PDE3B: variants seen among roughly 807,000 people sequenced by gnomAD.
The protein encoded by PDE3B is cGMP-inhibited 3',5'-cyclic phosphodiesterase 3B.
A neutral mutation model predicts 116.8 loss-of-function variants in PDE3B; 66 were observed. The ratio of observed to expected loss-of-function variants is 0.56; its 90% CI spans 0.46 to 0.69. The LOEUF (loss-of-function observed/expected upper bound fraction) is 0.69. Among genes scored for constraint, PDE3B ranks in the 30% least tolerant of loss-of-function variants. The pLI, the probability that PDE3B is intolerant of heterozygous loss-of-function variation, is 0.00. For synonymous variants in PDE3B, 595 were observed against 533.6 expected (o/e 1.12, Z -1.59); for missense variants, 1,384 against 1,368.1 (o/e 1.01, Z -0.18).
chr11:14,701,567 C>T (rs2133817891), intron 1 of PDE3B, among the ~76,000 whole-genome samples: 2 of 151,716 alleles, frequency 1.3e-5, no homozygotes, highest in Middle Eastern at 3.4e-3. Context: ...TTCCCCATTT[C>T]TTAAGGTATT....
chr11:14,859,341 ACTT>A, intron 13 of PDE3B, 95 bp downstream of exon 13: 1 of 744,120 alleles, frequency 1.3e-6, no homozygotes, highest in African/African-American at 1.8e-5. Context: ...AATTATTACT[ACTT>A]AGGAAGTAAC....
At position 14,644,503 on chromosome 11, in the gene PDE3B, C is replaced by G. The variant is rs931878829; in HGVS notation, c.428C>G (p.Pro143Arg). The G allele has an allele frequency of 1.2e-6, 2 of 1,610,442 alleles. No individual in the cohort carries two copies. The highest frequency in any genetic ancestry group is 4.5e-5 in the East Asian group (2 of 44,660). ...TCFLTRTKRGPGPGRSCGSWW... is the reference protein window; with the variant it reads ...TCFLTRTKRGRGPGRSCGSWW... ...TTCCTCACCCGGACCAAGCGGGGAC[C>G]CGGCCCGGGCCGGAGCTGCGGCTCC... is the stretch of plus-strand genomic sequence containing the variant. The change falls in exon 1 of 16, where the codon CCC becomes CGC. Residue 143 changes from proline (P) to arginine (R), a missense_variant. By Grantham distance (103) the Pro-to-Arg change is moderately radical (BLOSUM62 -2). Coordinates refer to ENST00000282096, the MANE Select transcript of PDE3B (RefSeq NM_000922.4).
At chr11:14,762,456 T>A (rs556344635) in intron 1 of PDE3B, among the ~76,000 whole-genome samples, 2 of 152,220 alleles carry the variant, frequency 1.3e-5, no homozygotes, top group Non-Finnish European at 2.9e-5. Flanking sequence ...TATTGAACTT[T>A]CCTGGCCTGT....
intron 12 of PDE3B, among the ~76,000 whole-genome samples, chr11:14,846,920 A>G (rs1369875905): frequency 2.0e-5 from 3 of 152,234 alleles, no homozygotes; most frequent in Non-Finnish European, 4.4e-5. Context: ...TGTCAACATT[A>G]GACAGATCAA....
rs1418925278 is a variant in PDE3B, at chr11:14,769,705, C to A, written c.979-2232C>A. ...ATATATGTTTCCATAATCATCTCCC[C>A]CTTCATGTAATTTTCATACCAAAGA... On this transcript the variant is annotated intron_variant, in intron 1 of 15. Coordinates refer to ENST00000282096, the MANE Select transcript of PDE3B (RefSeq NM_000922.4). 4.7e-5 allele frequency among the ~76,000 whole-genome samples: 7 copies of A among 148,114 alleles called. No individual in the cohort carries two copies. In the East Asian group the frequency reaches 1.4e-3, roughly 29 times the overall value.
chr11:14,887,390 T>C, the PDE3B span: 3 of 157,092 alleles, frequency 1.9e-5, no homozygotes, highest in Admixed American at 6.5e-5. Flanking sequence ...TATTTGAGGG[T>C]AGAACTGGAG....
intron 2 of PDE3B, chr11:14,773,694 CAAT>C (rs1237826653): frequency 6.6e-6 from 1 of 152,064 alleles, no homozygotes; most frequent in Non-Finnish European, 1.5e-5. Flanking sequence ...TTTCTTCTAA[CAAT>C]TGAGTTACTT....
rs575730156 is a variant in PDE3B at position 14,795,805 on chromosome 11, G to A, written c.1415+6563G>A. Among the ~76,000 whole-genome samples, 4 of 152,046 alleles carry A rather than the reference G, an allele frequency of 2.6e-5. No homozygotes were observed. The East Asian group carries it at 7.7e-4, about 29-fold the overall frequency. ...TGTGTTTGTATGCTGTGAATGATAT[G>A]GACAAGAAGAATATGAGATTTAATT... On this transcript the variant is annotated intron_variant, in intron 4 of 15. Transcript: ENST00000282096.
At chr11:14,776,236 G>A (rs761847573) in intron 2 of PDE3B, 1 of 152,254 alleles carries the variant, frequency 6.6e-6, no homozygotes, top group Non-Finnish European at 1.5e-5. Context: ...GCTCTAGCAA[G>A]GGGGAATTGA....
intron 1 of PDE3B, among the ~76,000 whole-genome samples, chr11:14,676,850 A>G (rs1352487082): frequency 6.6e-6 from 1 of 152,094 alleles, no homozygotes; most frequent in Non-Finnish European, 1.5e-5. Context: ...CTAATGCACT[A>G]ATTTTTTTCC....
intron 1 of PDE3B, among the ~76,000 whole-genome samples, chr11:14,671,090 C>G (rs1854352142): frequency 6.6e-6 from 1 of 152,122 alleles, no homozygotes; most frequent in Admixed American, 6.6e-5. Flanking sequence ...CAAGACACAT[C>G]AGTCTCCTGC....
At chr11:14,792,335 C>T (rs1009027618) in intron 4 of PDE3B, among the ~76,000 whole-genome samples, 4 of 151,900 alleles carry the variant, frequency 2.6e-5, no homozygotes, top group African/African-American at 9.7e-5. Context: ...TGGTTTAACA[C>T]CATTTGAAAA....
At chr11:14,812,672 C>A (rs1859182482) in intron 5 of PDE3B, among the ~76,000 whole-genome samples, 1 of 152,094 alleles carries the variant, frequency 6.6e-6, no homozygotes, top group South Asian at 2.1e-4. Context: ...CGAAATTAAA[C>A]CTGTAGTTAA....
intron 14 of PDE3B, among the ~76,000 whole-genome samples, chr11:14,861,913 C>G (rs1310357330): frequency 7.2e-5 from 11 of 152,212 alleles, no homozygotes; most frequent in African/African-American, 2.7e-4. Context: ...TTTGAGGTGG[C>G]TGTCACATGT....
At chr11:14,790,305 T>C (rs924391145) in intron 4 of PDE3B, among the ~76,000 whole-genome samples, 1 of 151,274 alleles carries the variant, frequency 6.6e-6, no homozygotes, top group African/African-American at 2.4e-5. Context: ...TGGTCCAAAA[T>C]TTGCCATGGC....
intron 1 of PDE3B, among the ~76,000 whole-genome samples, chr11:14,689,893 C>G (rs1181928631): frequency 1.3e-5 from 2 of 152,200 alleles, no homozygotes; most frequent in Non-Finnish European, 2.9e-5. Flanking sequence ...TTCATTCTGA[C>G]TTACCCTCAT....
At chr11:14,803,306 A>G (rs1270109776) in intron 4 of PDE3B, among the ~76,000 whole-genome samples, 1 of 152,236 alleles carries the variant, frequency 6.6e-6, no homozygotes, top group African/African-American at 2.4e-5. Flanking sequence ...CAGGGAGATG[A>G]GTTCATTGGG....
chr11:14,703,271 T>C (rs1855427792), intron 1 of PDE3B, among the ~76,000 whole-genome samples: 1 of 151,832 alleles, frequency 6.6e-6, no homozygotes, highest in Non-Finnish European at 1.5e-5. Context: ...ATTGCAGTTT[T>C]CCCTGATCTG....
At chr11:14,809,892 A>ATTT (rs71044025) in intron 5 of PDE3B, among the ~76,000 whole-genome samples, 120 of 148,552 alleles carry the variant, frequency 8.1e-4, no homozygotes, top group African/African-American at 3.0e-3. Context: ...AGACTAAAGT[A>ATTT]TTTTTTTTTT....
Sources: allele counts gnomAD v4.1 joint callset (sites outside exome capture counted in the v4.1 genomes callset), GRCh38; gene constraint gnomAD v4.1.1; transcripts MANE v1.5; gene names NCBI Gene and HGNC (gene_info 2026-07-23, HGNC 2026-07-21).